UNC13A: variants seen among roughly 807,000 people sequenced by gnomAD.
The protein encoded by UNC13A is unc-13 homolog A, also known as protein unc-13 homolog A.
A neutral mutation model predicts 219.7 loss-of-function variants in UNC13A; 61 were observed. The ratio of observed to expected loss-of-function variants is 0.28; its 90% CI spans 0.23 to 0.34. The LOEUF is 0.34. Among genes scored for constraint, UNC13A ranks in the 10% least tolerant of loss-of-function variants. The probability of loss-of-function intolerance (pLI) is 1.00; values close to 1 mark genes in which losing one functional copy is unlikely to be tolerated. For missense variants in UNC13A, 1,476 were observed against 2,270.3 expected, an observed-to-expected ratio of 0.65 and a Z score of 7.11; for synonymous variants, 920 against 884.6, an observed-to-expected ratio of 1.04 and a Z score of -0.71.
chr19:17,664,823 A>T (rs1355032678), intron 7 of UNC13A, among the ~76,000 whole-genome samples: 1 of 152,182 alleles, frequency 6.6e-6, no homozygotes, highest in East Asian at 1.9e-4. Context: ...CCCCGGTTCC[A>T]TTACCACCCT....
intron 8 of UNC13A, among the ~76,000 whole-genome samples, chr19:17,662,163 A>G (rs2079561752): frequency 6.6e-6 from 1 of 151,940 alleles, no homozygotes; most frequent in Non-Finnish European, 1.5e-5. Context: ...GAATCACTTG[A>G]ACTCGGAGGC....
At chr19:17,617,378 T>A (rs1363168001) in intron 41 of UNC13A, among the ~76,000 whole-genome samples, 1 of 152,102 alleles carries the variant, frequency 6.6e-6, no homozygotes, top group Non-Finnish European at 1.5e-5. Flanking sequence ...CCCTACGACG[T>A]CACAGGTTCC....
chr19:17,687,397 C>A (rs1344806622), intron 1 of UNC13A, among the ~76,000 whole-genome samples: 1 of 152,142 alleles, frequency 6.6e-6, no homozygotes, highest in Non-Finnish European at 1.5e-5. Flanking sequence ...CATTGCTCTT[C>A]CAAGAAGTAG....
chr19:17,659,701 C>A (rs1332008086), intron 8 of UNC13A, among the ~76,000 whole-genome samples: 3 of 151,808 alleles, frequency 2.0e-5, no homozygotes, highest in African/African-American at 7.3e-5. Flanking sequence ...CCCAGGAGGT[C>A]GAGGTAGCAG....
At chr19:17,614,877 TG>T (rs1463298531) in intron 41 of UNC13A, among the ~76,000 whole-genome samples, 3 of 152,048 alleles carry the variant, frequency 2.0e-5, no homozygotes, top group African/African-American at 7.2e-5. Context: ...CGGGCCAGAC[TG>T]GGGTGCCGGG....
intron 1 of UNC13A, among the ~76,000 whole-genome samples, chr19:17,686,029 A>C (rs2080101879): frequency 5.2e-5 from 7 of 133,674 alleles, no homozygotes; most frequent in South Asian, 2.4e-4. Flanking sequence ...CCTGCCTCCT[A>C]CTCCTCCTCA....
intron 25 of UNC13A, among the ~76,000 whole-genome samples, chr19:17,637,067 C>A (rs529993383): frequency 6.6e-6 from 1 of 151,692 alleles, no homozygotes; most frequent in East Asian, 1.9e-4. Context: ...GACTCGAACT[C>A]CTGGGCTCAA....
rs116422197 is a variant in UNC13A at position 17,622,329 on chromosome 19, C to T, written c.4204-459G>A. On this transcript the variant is annotated intron_variant, in intron 36 of 43. Coordinates refer to ENST00000519716, the MANE Select transcript of UNC13A (RefSeq NM_001080421.3). Reference sequence around the variant, plus strand: ...GACTCCTCTCTGAGCCTCAGCTTTCCTCATCTGCAAAATGGGGATAATAAT... The same window carrying T: ...GACTCCTCTCTGAGCCTCAGCTTTCTTCATCTGCAAAATGGGGATAATAAT... 1,370 of 159,824 alleles carry T rather than the reference C, an allele frequency of 8.6e-3. 24 individuals are homozygous for T. Among genetic ancestry groups the T allele is most frequent in the African/African-American group, 0.031 (1,282 of 41,756 alleles). The allele number at this position is 159,824 out of a possible 1,614,324, so 9.9% of individuals were successfully genotyped here. A position where few individuals can be genotyped will look rare whatever the true frequency, so the allele number is the denominator to read the frequency against.
At position 17,627,037 on chromosome 19, in the gene UNC13A, C is replaced by G. The variant is rs2076790659; in HGVS notation, c.3921-252G>C. Among the ~76,000 whole-genome samples the G allele has an allele frequency of 6.6e-6, 1 of 152,024 alleles. No homozygotes were observed. Among genetic ancestry groups the G allele is most frequent in the Non-Finnish European group, 1.5e-5 (1 of 67,998 alleles). On this transcript the variant is annotated intron_variant, in intron 33 of 43. Transcript: ENST00000519716. This position sits in a 1 kb window ranked among gnomAD's most constrained non-coding sequence, Gnocchi z 4.7. Reference sequence around the variant, plus strand: ...TGAAACCCTGTCTCTACTAAAAATACAAAAATTAGCTGGGTGTGGTGGCAT... The same window carrying G: ...TGAAACCCTGTCTCTACTAAAAATAGAAAAATTAGCTGGGTGTGGTGGCAT...
rs1451789561 is a variant in UNC13A, at chr19:17,674,593, G to A, written c.152+64C>T. ...ATTCCCCAGTGTCCAGCTCTGCCCT[G>A]AGGGGCCAGCGAGGTGCTGGGCTAT... On this transcript the variant is annotated intron_variant, in intron 3 of 43. Transcript: ENST00000519716. This position sits in a 1 kb window ranked among gnomAD's most constrained non-coding sequence, Gnocchi z 5.0. 6.8e-7 allele frequency: 1 copy of A among 1,479,146 alleles called. No individual in the cohort carries two copies. 91.6% of individuals were successfully genotyped at this position (1,479,146 alleles called of 1,614,324 possible).
chr19:17,658,941 G>C (rs533208316), intron 8 of UNC13A, among the ~76,000 whole-genome samples: 79 of 151,592 alleles, frequency 5.2e-4, no homozygotes, highest in African/African-American at 1.7e-3. Context: ...GTTTAGTTTG[G>C]TTTCCTTAGA....
intron 1 of UNC13A, among the ~76,000 whole-genome samples, chr19:17,680,410 C>T (rs147050549): frequency 6.6e-6 from 1 of 152,014 alleles, no homozygotes; most frequent in Non-Finnish European, 1.5e-5. Flanking sequence ...GTGGGAGGCG[C>T]GCCGGCGGAC....
At chr19:17,631,152 T>TCC (rs1263810245) in intron 28 of UNC13A, among the ~76,000 whole-genome samples, 5 of 83,770 alleles carry the variant, frequency 6.0e-5, no homozygotes, top group Admixed American at 1.0e-4. Context: ...GAGCTCTTGT[T>TCC]TTCTCCCTCC....
At chr19:17,631,222 T>TCCCCCC (rs59519256) in intron 28 of UNC13A, among the ~76,000 whole-genome samples, 1 of 32,334 alleles carries the variant, frequency 3.1e-5, no homozygotes, top group Non-Finnish European at 7.0e-5. Flanking sequence ...CTTCCTTCCT[T>TCCCCCC]CTTCCTTCCT....
rs372256863 is a variant in UNC13A at position 17,656,022 on chromosome 19, G to C, written c.1144C>G (p.Pro382Ala). 2 of 1,575,288 alleles carry C rather than the reference G, an allele frequency of 1.3e-6. No individual in the cohort carries two copies. The highest frequency in any genetic ancestry group is 2.3e-5 in the East Asian group (1 of 43,186). Residue 382 changes from proline (P) to alanine (A), a missense_variant, in exon 10 of 44, where the codon CCA (proline) becomes GCA (alanine). Physicochemically the swap from Pro to Ala is conservative, Grantham distance 27 (BLOSUM62 -1). Coordinates refer to ENST00000519716, the MANE Select transcript of UNC13A (RefSeq NM_001080421.3). ...FKRISLPPAA[P>A]GKEDKAPVAP... ...ACTGGGGCCTTGTCCTCCTTCCCTGGGGCAGCTGGCGGGAGGCTGATGCGT... is the reference window on the plus strand; with the variant it reads ...ACTGGGGCCTTGTCCTCCTTCCCTGCGGCAGCTGGCGGGAGGCTGATGCGT...
rs1240776066 is a variant in UNC13A, at chr19:17,631,183, CTTCCT to C, written c.3429-438_3429-434del. Among the ~76,000 whole-genome samples, 15 of 13,956 alleles carry C rather than the reference CTTCCT, an allele frequency of 1.1e-3. 1 individual carries two copies. Among genetic ancestry groups the C allele is most frequent in the African/African-American group, 6.1e-3 (15 of 2,452 alleles). 9.2% of individuals were successfully genotyped at this position (13,956 alleles called of 152,430 possible). A position where few individuals can be genotyped will look rare whatever the true frequency, so the allele number is the denominator to read the frequency against. On this transcript the variant is annotated intron_variant, in intron 28 of 43. Transcript: ENST00000519716. Reference sequence around the variant, plus strand: ...CCTCCCTCCCTCCCTCCCTCCTTTCCTTCCTTCCCTCCCTCCCTCCCTTCCTTCCT... The same window carrying C: ...CCTCCCTCCCTCCCTCCCTCCTTTCCTCCCTCCCTCCCTCCCTTCCTTCCT...
At chr19:17,640,005 A>C (rs1599364141) in intron 22 of UNC13A, 97 bp from the exon 23 acceptor site, 4 of 1,183,008 alleles carry the variant, frequency 3.4e-6, no homozygotes, top group Admixed American at 1.9e-5. Flanking sequence ...CTCATCCACC[A>C]CCCTCATAAT....
chr19:17,626,805 G>C lies in UNC13A; in HGVS notation c.3921-20C>G. The stretch of plus-strand genomic sequence containing the variant: ...TGGAAGCTGGGGACACAGAAGGGAA[G>C]GGCTCAGACCACAGGAAGGGCTGGA... On this transcript the variant is annotated intron_variant, in intron 33 of 43. Coordinates refer to ENST00000519716, the MANE Select transcript of UNC13A (RefSeq NM_001080421.3). 1.9e-6 allele frequency: 3 copies of C among 1,604,520 alleles called. No individual in the cohort carries two copies. Among genetic ancestry groups the C allele is most frequent in the Non-Finnish European group, 2.6e-6 (3 of 1,173,922 alleles).
rs1002657261 is a variant in UNC13A, at chr19:17,616,287, C to T, written c.4558+1415G>A. 10 of 587,912 alleles carry T rather than the reference C, an allele frequency of 1.7e-5. No homozygotes were observed. The African/African-American group carries it at 1.9e-4, about 11-fold the overall frequency. 36.4% of individuals were successfully genotyped at this position (587,912 alleles called of 1,614,324 possible). A position where few individuals can be genotyped will look rare whatever the true frequency, so the allele number is the denominator to read the frequency against. ...CCTGGGCCCTCCAAGCCGCTCAGGC[C>T]TGGGCGGCGGCCCTGCAGGCCCTTG... On this transcript the variant is annotated intron_variant, in intron 41 of 43. Transcript: ENST00000519716.
Sources: allele counts gnomAD v4.1 joint callset (sites outside exome capture counted in the v4.1 genomes callset), GRCh38; gene constraint gnomAD v4.1.1; non-coding constraint Gnocchi (gnomAD v3.1); transcripts MANE v1.5; gene names NCBI Gene and HGNC (gene_info 2026-07-23, HGNC 2026-07-21).